Variants in LYPLA1 observed in about 807,000 individuals in gnomAD.
LYPLA1 encodes the protein lysophospholipase 1, also known as acyl-protein thioesterase 1.
In LYPLA1, 17 loss-of-function variants were observed where a neutral mutation model predicts 34.0. The observed-to-expected ratio is 0.50, with a 90% CI of 0.34 to 0.75. The LOEUF (loss-of-function observed/expected upper bound fraction) is 0.75, where lower values mean the gene tolerates loss of function less well. Ranked by LOEUF, LYPLA1 falls within the 30% of genes least tolerant of loss-of-function variation. The pLI is 0.01. For missense variants in LYPLA1, 203 were observed against 288.8 expected (o/e 0.70, Z 2.15); for synonymous variants, 98 against 100.8 (o/e 0.97, Z 0.17).
intron 2 of LYPLA1, among the ~76,000 whole-genome samples, chr8:54,080,805 C>G (rs1808259370): frequency 6.6e-6 from 1 of 152,226 alleles, no homozygotes; most frequent in Non-Finnish European, 1.5e-5. Context: ...CCAGACTGGT[C>G]TCAAACTCCT....
In LYPLA1 at chr8:54,062,262, G is replaced by A. The variant is rs570488246; in HGVS notation, c.278C>T (p.Ala93Val). ...ACATTTTCTGTACTTACTATTTTCT[G>A]CTGCCTGTTTAATCCCAGATTCATC... ...QEDESGIKQA[A>V]ENIKALIDQE... is the part of the protein sequence containing the mutation. The change falls in exon 5 of 9, where the codon GCA (alanine) becomes GTA (valine). Residue 93 changes from alanine (A) to valine (V), a missense_variant. Physicochemically the swap from Ala to Val is moderately conservative, Grantham distance 64. This residue lies in a region of LYPLA1 where 123 missense variants were observed against 199.2 expected (regional missense o/e 0.62). Transcript: ENST00000316963. The A allele has an allele frequency of 2.3e-5, 37 of 1,603,140 alleles. 1 individual carries two copies. The East Asian group carries it at 7.4e-4, about 32-fold the overall frequency.
chr8:54,096,584 A>G (rs1449354405), intron 2 of LYPLA1, among the ~76,000 whole-genome samples: 1 of 151,380 alleles, frequency 6.6e-6, no homozygotes, highest in African/African-American at 2.5e-5. Context: ...TACTAAAAAT[A>G]CAAAAAAAAT....
At chr8:54,067,738 C>T (rs1167382082) in intron 2 of LYPLA1, among the ~76,000 whole-genome samples, 1 of 150,288 alleles carries the variant, frequency 6.7e-6, no homozygotes, top group Non-Finnish European at 1.5e-5. Context: ...CTCTGTTGCC[C>T]AGGCTGGAGT....
At chr8:54,091,582 AAG>A (rs374763193) in intron 2 of LYPLA1, among the ~76,000 whole-genome samples, 44,295 of 80,914 alleles carry the variant, frequency 0.55, 9,560 homozygotes, top group East Asian at 0.78. Flanking sequence ...AAAGAAAGAA[AAG>A]GAAGGAAGGA....
At chr8:54,076,038 A>G (rs1302299297) in intron 2 of LYPLA1, among the ~76,000 whole-genome samples, 1 of 152,228 alleles carries the variant, frequency 6.6e-6, no homozygotes, top group Non-Finnish European at 1.5e-5. Flanking sequence ...AATGATAAGA[A>G]GTATGGCAAG....
intron 2 of LYPLA1, among the ~76,000 whole-genome samples, chr8:54,098,345 G>T (rs1248216642): frequency 1.3e-5 from 2 of 152,096 alleles, no homozygotes; most frequent in African/African-American, 4.8e-5. Flanking sequence ...TTCGTGTCCT[G>T]GGTGAGACGG....
At chr8:54,062,478 A>G (rs540860505) in intron 4 of LYPLA1, among the ~76,000 whole-genome samples, 154 bp from the exon 5 acceptor site, 1 of 146,540 alleles carries the variant, frequency 6.8e-6, no homozygotes, top group East Asian at 2.2e-4. Context: ...ATTTTTTGAG[A>G]CGAAGTCTCA....
Position 54,047,848 on chromosome 8 carries a change from G to A in LYPLA1, c.*217C>T. The A allele has an allele frequency of 2.5e-6, 1 of 402,526 alleles. No individual in the cohort carries two copies. The highest frequency in any genetic ancestry group is 3.7e-5 in the East Asian group (1 of 27,224). The allele number at this position is 402,526 out of a possible 1,614,324, so 24.9% of individuals were successfully genotyped here. A position where few individuals can be genotyped will look rare whatever the true frequency, so the allele number is the denominator to read the frequency against. ...TACCTGCTTCATCTATTCTAATATA[G>A]TAGATCCTGGGTCGTCTTATAAGAA... On this transcript the variant is annotated 3_prime_UTR_variant, in exon 9 of 9. Coordinates refer to ENST00000316963, the MANE Select transcript of LYPLA1 (RefSeq NM_006330.4).
At position 54,065,635 on chromosome 8, in the gene LYPLA1, T is replaced by C. The variant is rs11775545; in HGVS notation, c.167+113A>G. The C allele has an allele frequency of 2.2e-3, 1,442 of 663,382 alleles. 8 individuals are homozygous for C. The highest frequency in any genetic ancestry group is 0.014 in the Middle Eastern group (32 of 2,268). The allele number at this position is 663,382 out of a possible 1,614,324, so 41.1% of individuals were successfully genotyped here. A position where few individuals can be genotyped will look rare whatever the true frequency, so the allele number is the denominator to read the frequency against. On this transcript the variant is annotated intron_variant, in intron 3 of 8. Coordinates refer to ENST00000316963, the MANE Select transcript of LYPLA1 (RefSeq NM_006330.4). ...TCTACTAATCTTTATTTTTAAACAA[T>C]ATTTAAAAAGTAAAAATTAACTGTA...
chr8:54,073,253 G>A (rs1807629133), intron 2 of LYPLA1: 7 of 871,456 alleles, frequency 8.0e-6, no homozygotes, highest in Non-Finnish European at 1.4e-5. Flanking sequence ...AGAACCTGCT[G>A]TCTGAATGGG....
At chr8:54,088,155 CA>C (rs1808943030) in intron 2 of LYPLA1, among the ~76,000 whole-genome samples, 2 of 152,154 alleles carry the variant, frequency 1.3e-5, no homozygotes, top group Admixed American at 1.3e-4. Context: ...CATGCCAGGG[CA>C]AATATTTAGG....
At chr8:54,091,846 T>C (rs1809303814) in intron 2 of LYPLA1, among the ~76,000 whole-genome samples, 1 of 152,166 alleles carries the variant, frequency 6.6e-6, no homozygotes, top group African/African-American at 2.4e-5. Context: ...CCCAGCACTT[T>C]GGGAGGCCCA....
At chr8:54,070,866 C>T (rs556045167) in intron 2 of LYPLA1, among the ~76,000 whole-genome samples, 33 of 152,248 alleles carry the variant, frequency 2.2e-4, no homozygotes, top group African/African-American at 7.2e-4. Flanking sequence ...CAATAGAACA[C>T]AAATGAAAGA....
intron 2 of LYPLA1, among the ~76,000 whole-genome samples, chr8:54,077,779 GA>G (rs1406144599): frequency 2.6e-5 from 4 of 152,172 alleles, no homozygotes; most frequent in Non-Finnish European, 5.9e-5. Context: ...TGACGGTCTA[GA>G]ACGGGCAAAA....
Position 54,063,342 on chromosome 8 carries a change from C to A in LYPLA1, c.201G>T (p.Val67=). 1 of 1,534,090 alleles carries A rather than the reference C, an allele frequency of 6.5e-7. No individual in the cohort carries two copies. The highest frequency in any genetic ancestry group is 8.8e-7 in the Non-Finnish European group (1 of 1,137,188). Residue 67 remains valine (V), a synonymous_variant, in exon 4 of 9, where the codon GTG becomes GTT. Coordinates refer to ENST00000316963, the MANE Select transcript of LYPLA1 (RefSeq NM_006330.4). ...TTCTTACTTACCATGAAGGCATAGC[C>A]ACGTTCATATTTAATGTAACAGGCC... ...PVRPVTLNMN[V]AMPSWFDIIG... is the part of the protein sequence containing the mutation.
At chr8:54,062,106 C>T in intron 5 of LYPLA1, 148 bp downstream of exon 5, 1 of 560,200 alleles carries the variant, frequency 1.8e-6, no homozygotes. Flanking sequence ...GACCCACCCG[C>T]CTCTACTTCC....
intron 8 of LYPLA1, among the ~76,000 whole-genome samples, chr8:54,048,454 G>C (rs891719467): frequency 3.9e-5 from 6 of 152,170 alleles, no homozygotes; most frequent in African/African-American, 1.2e-4. Context: ...TGACAACTAA[G>C]TATGAGTGAC....
At position 54,061,953 on chromosome 8, in the gene LYPLA1, T is replaced by G. The variant is rs556408784; in HGVS notation, c.286+301A>C. Among the ~76,000 whole-genome samples the G allele has an allele frequency of 2.0e-5, 3 of 152,230 alleles. No individual in the cohort carries two copies. The East Asian group carries it at 5.8e-4, about 29-fold the overall frequency. On this transcript the variant is annotated intron_variant, in intron 5 of 8. Transcript: ENST00000316963. ...TCACTGCAACCTCCACCTCCCAGGT[T>G]CAAGCAACTATCCTGCTTCATCCTC...
chr8:54,067,929 C>T (rs574523940), intron 2 of LYPLA1, among the ~76,000 whole-genome samples: 112 of 152,062 alleles, frequency 7.4e-4, no homozygotes, highest in African/African-American at 2.5e-3. Context: ...CCTCATGATC[C>T]GTCTGCCTCA....
Sources: gnomAD v4.1 joint callset for allele counts (sites outside exome capture counted in the v4.1 genomes callset) on GRCh38, gnomAD v4.1.1 for gene constraint, gnomAD v4.1.1 regional missense constraint, MANE v1.5 for transcripts, NCBI Gene and HGNC (gene_info 2026-07-23, HGNC 2026-07-21) for gene names.